SEMA6A: variants seen among roughly 807,000 people sequenced by gnomAD.
SEMA6A encodes semaphorin-6A.
In SEMA6A, 25 loss-of-function variants were observed where a neutral mutation model predicts 96.8. The ratio of observed to expected loss-of-function variants is 0.26; its 90% CI spans 0.19 to 0.36. The LOEUF (loss-of-function observed/expected upper bound fraction) is 0.36, where lower values mean the gene tolerates loss of function less well. Among genes scored for constraint, SEMA6A ranks in the 10% least tolerant of loss-of-function variants. The probability of loss-of-function intolerance (pLI) is 1.00; values close to 1 mark genes in which losing one functional copy is unlikely to be tolerated. For synonymous variants in SEMA6A, 612 were observed against 518.0 expected (o/e 1.18, Z -2.46); for missense variants, 1,363 against 1,323.1 (o/e 1.03, Z -0.47).
At chr5:116,477,399 C>T (rs1756509590) in intron 15 of SEMA6A, among the ~76,000 whole-genome samples, 1 of 152,186 alleles carries the variant, frequency 6.6e-6, no homozygotes, top group Non-Finnish European at 1.5e-5. Flanking sequence ...ACCATGCTTG[C>T]AGTACAATTA....
intron 1 of SEMA6A, among the ~76,000 whole-genome samples, chr5:116,537,687 A>C (rs1377314900): frequency 6.6e-6 from 1 of 152,246 alleles, no homozygotes; most frequent in Non-Finnish European, 1.5e-5. Context: ...GCTTATTGCC[A>C]TTAGGAGTAG....
In SEMA6A at chr5:116,447,166, G is replaced by C. The variant is rs962145659; in HGVS notation, c.2540C>G (p.Ala847Gly). 5 of 1,613,894 alleles carry C rather than the reference G, an allele frequency of 3.1e-6. No individual in the cohort carries two copies. The African/African-American group carries it at 5.3e-5, about 17-fold the overall frequency. ...EVAQMALEDQ[A>G]ATLEYKTIKE... ...GATGGTCTTATACTCCAGTGTGGCG[G>C]CCTGGTCCTCCAGCGCCATCTGGGC... is the stretch of plus-strand genomic sequence containing the variant. The change falls in exon 19 of 19, where the codon GCC becomes GGC. Residue 847 changes from alanine (A) to glycine (G), a missense_variant. Ala to Gly is a moderately conservative substitution (Grantham distance 60). Around this residue, in one of 2 missense-constraint regions of SEMA6A, gnomAD observed 883 missense variants for 763.6 expected, o/e 1.16. Coordinates refer to ENST00000343348, the MANE Select transcript of SEMA6A (RefSeq NM_020796.5).
intron 8 of SEMA6A, 45 bp downstream of exon 8, chr5:116,488,843 T>C: frequency 6.6e-7 from 1 of 1,520,684 alleles, no homozygotes. Context: ...ACAAGATGTG[T>C]ATTCCCCTCC....
At chr5:116,517,924 G>T (rs1033834515) in intron 1 of SEMA6A, among the ~76,000 whole-genome samples, 6 of 152,176 alleles carry the variant, frequency 3.9e-5, no homozygotes, top group Admixed American at 3.9e-4. Context: ...TGATGTCAGA[G>T]CCTGTAATCA....
chr5:116,493,729 G>T (rs258012), intron 6 of SEMA6A, among the ~76,000 whole-genome samples: 86,657 of 151,824 alleles, frequency 0.57, 26,850 homozygotes, highest in East Asian at 0.7. Flanking sequence ...TTGTTGGTGC[G>T]GATTCCAGCC....
chr5:116,495,558 C>T (rs374414626), intron 5 of SEMA6A, 44 bp from the exon 6 acceptor site: 48 of 1,373,972 alleles, frequency 3.5e-5, no homozygotes, highest in Non-Finnish European at 4.7e-5. Context: ...CCATTCAGTA[C>T]AGAAACTGAT....
chr5:116,502,519 T>C, intron 2 of SEMA6A, 192 bp from the exon 3 acceptor site: 1 of 525,642 alleles, frequency 1.9e-6, no homozygotes, highest in Non-Finnish European at 3.4e-6. Flanking sequence ...GTTCATCAAG[T>C]TACACTTTCA....
intron 1 of SEMA6A, among the ~76,000 whole-genome samples, chr5:116,514,031 A>G (rs1242880755): frequency 6.6e-6 from 1 of 152,094 alleles, no homozygotes; most frequent in Non-Finnish European, 1.5e-5. Context: ...TCTATCACTG[A>G]TGGGCATTTA....
chr5:116,485,413 C>T (rs1429058249), intron 10 of SEMA6A, among the ~76,000 whole-genome samples: 1 of 152,146 alleles, frequency 6.6e-6, no homozygotes, highest in Non-Finnish European at 1.5e-5. Context: ...GATGTATGAG[C>T]AATAAAAGCC....
chr5:116,539,545 A>G (rs1759869857), intron 1 of SEMA6A, among the ~76,000 whole-genome samples: 1 of 151,832 alleles, frequency 6.6e-6, no homozygotes, highest in South Asian at 2.1e-4. Context: ...AGATTCTAGT[A>G]TGGTTAACTT....
Position 116,502,154 on chromosome 5 carries a change from T to C in SEMA6A, c.218+56A>G, listed in dbSNP as rs1469055428. On this transcript the variant is annotated intron_variant, in intron 3 of 18. Coordinates refer to ENST00000343348, the MANE Select transcript of SEMA6A (RefSeq NM_020796.5). ...AAAAATAATGCATAGCTGGTAAATT[T>C]AGGACCTTGGGCTTTTGGACACTCT... is the stretch of plus-strand genomic sequence containing the variant. 1.3e-5 allele frequency: 18 copies of C among 1,393,734 alleles called. No individual in the cohort carries two copies. In the East Asian group the frequency reaches 3.9e-4, roughly 30 times the overall value. 86.3% of individuals were successfully genotyped at this position (1,393,734 alleles called of 1,614,324 possible). A position where few individuals can be genotyped will look rare whatever the true frequency, so the allele number is the denominator to read the frequency against.
intron 1 of SEMA6A, chr5:116,508,190 A>G (rs1758238558): frequency 6.6e-6 from 1 of 152,230 alleles, no homozygotes; most frequent in Admixed American, 6.5e-5. Context: ...GAAACAAAGG[A>G]GACCAAAAGG....
chr5:116,472,326 T>C (rs2112666214), intron 17 of SEMA6A: 1 of 152,450 alleles, frequency 6.6e-6, no homozygotes, highest in South Asian at 2.1e-4. Context: ...TCACTCTTCC[T>C]TGTCTACATT....
Position 116,480,223 on chromosome 5 carries a change from C to T in SEMA6A, c.1149G>A (p.Glu383=). ...TGAAGTTCAGGGTATCATCAGGGAA[C>T]TCATTGGAGGTTGCATATCTTTCTA... ...SSLERYATSN[E]FPDDTLNFIK... Residue 383 remains glutamate (E), a synonymous_variant, in exon 12 of 19, where the codon GAG becomes GAA. Transcript: ENST00000343348. The T allele has an allele frequency of 3.7e-6, 6 of 1,613,836 alleles. No homozygotes were observed. The highest frequency in any genetic ancestry group is 5.1e-6 in the Non-Finnish European group (6 of 1,179,788).
intron 18 of SEMA6A, among the ~76,000 whole-genome samples, chr5:116,451,715 T>C (rs1322668712): frequency 6.6e-6 from 1 of 151,674 alleles, no homozygotes; most frequent in African/African-American, 2.4e-5. Context: ...AGGTAATCTT[T>C]AGAGTGACTA....
rs566154641 is a variant in SEMA6A at position 116,512,351 on chromosome 5, G to A, written c.-38-7369C>T. On this transcript the variant is annotated intron_variant, in intron 1 of 18. Transcript: ENST00000343348. ...GCTCCAGCCTCTTAATAAAGCATCT[G>A]GTCTTTCTTTCCTCCTTCTCTCAGC... Among the ~76,000 whole-genome samples, 7 of 152,224 alleles carry A rather than the reference G, an allele frequency of 4.6e-5. No individual in the cohort carries two copies. In the East Asian group the frequency reaches 1.4e-3, roughly 29 times the overall value.
intron 1 of SEMA6A, among the ~76,000 whole-genome samples, chr5:116,526,594 G>A (rs111427149): frequency 0.013 from 1,994 of 152,206 alleles, 49 homozygotes; most frequent in African/African-American, 0.045. Context: ...CACATACGTC[G>A]TATAAGAAAG....
intron 18 of SEMA6A, among the ~76,000 whole-genome samples, chr5:116,451,603 C>G (rs1445883395): frequency 6.6e-6 from 1 of 152,138 alleles, no homozygotes; most frequent in Non-Finnish European, 1.5e-5. Context: ...TAACCCTTGC[C>G]ATCCACAGAG....
At chr5:116,536,307 A>G (rs1312373617) in intron 1 of SEMA6A, 1 of 152,210 alleles carries the variant, frequency 6.6e-6, no homozygotes, top group Non-Finnish European at 1.5e-5. Flanking sequence ...CAAACAAAAA[A>G]AAAAAGAATC....
Sources: allele counts gnomAD v4.1 joint callset (sites outside exome capture counted in the v4.1 genomes callset), GRCh38; gene constraint gnomAD v4.1.1; regional missense constraint gnomAD v4.1.1; transcripts MANE v1.5; gene names NCBI Gene and HGNC (gene_info 2026-07-23, HGNC 2026-07-21).